JARID2: variants seen among roughly 807,000 people sequenced by gnomAD.
JARID2 encodes jumonji and AT-rich interaction domain containing 2.
Under a neutral mutation model 125.6 loss-of-function variants are expected in JARID2, and 21 were observed. That is an observed-to-expected ratio of 0.17 (90% CI 0.12 to 0.24). JARID2 has a LOEUF of 0.24. JARID2 is among the 10% of genes least tolerant of loss of function. The pLI, the probability that JARID2 is intolerant of heterozygous loss-of-function variation, is 1.00. For missense variants in JARID2, 1,303 were observed against 1,639.6 expected, an observed-to-expected ratio of 0.79 and a Z score of 3.55; for synonymous variants, 736 against 661.6, an observed-to-expected ratio of 1.11 and a Z score of -1.73.
intron 1 of JARID2, among the ~76,000 whole-genome samples, chr6:15,311,706 C>G (rs1002903582): frequency 2.6e-5 from 4 of 151,802 alleles, no homozygotes; most frequent in African/African-American, 9.7e-5. Context: ...ACAGATGGCA[C>G]TCTGATTCGG....
At position 15,283,498 on chromosome 6, in the gene JARID2, C is replaced by T. The variant is rs545890161; in HGVS notation, c.45+36914C>T. ...TGGGACTACAGGCATGCACCAGCTA[C>T]GCCCGGCTAATTTTCTTGTATTTTT... On this transcript the variant is annotated intron_variant, in intron 1 of 17. Transcript: ENST00000341776. Among the ~76,000 whole-genome samples, 16 of 141,826 alleles carry T rather than the reference C, an allele frequency of 1.1e-4. No homozygotes were observed. In the South Asian group the frequency reaches 3.2e-3, roughly 28 times the overall value. The allele number at this position is 141,826 out of a possible 152,430, so 93.0% of individuals were successfully genotyped here.
At chr6:15,364,733 A>G (rs1220841306) in intron 1 of JARID2, among the ~76,000 whole-genome samples, 3 of 152,218 alleles carry the variant, frequency 2.0e-5, no homozygotes, top group Admixed American at 6.5e-5. Flanking sequence ...GTAACACGCA[A>G]TGTCAATTGA....
chr6:15,250,841 T>C (rs921436895), intron 1 of JARID2, among the ~76,000 whole-genome samples: 2 of 152,052 alleles, frequency 1.3e-5, no homozygotes, highest in Non-Finnish European at 2.9e-5. Context: ...TATACCGTAC[T>C]CCAAATGTTA....
intron 1 of JARID2, among the ~76,000 whole-genome samples, chr6:15,321,783 GTTTTTTTTTTT>G (rs71687714): frequency 1.3e-4 from 9 of 68,476 alleles, no homozygotes; most frequent in Non-Finnish European, 1.8e-4. Context: ...AAGAATTCTT[GTTTTTTTTTTT>G]TTTTTTTTTT....
intron 2 of JARID2, among the ~76,000 whole-genome samples, chr6:15,393,916 AC>A (rs1033149398): frequency 1.3e-5 from 2 of 152,224 alleles, no homozygotes; most frequent in African/African-American, 2.4e-5. Context: ...AAACAAAAAA[AC>A]AAAAACTGTA....
intron 1 of JARID2, among the ~76,000 whole-genome samples, chr6:15,287,533 T>A (rs1242892046): frequency 6.6e-6 from 1 of 152,228 alleles, no homozygotes; most frequent in Non-Finnish European, 1.5e-5. Context: ...CAGAATTACA[T>A]TTTTGGTGTG....
At chr6:15,420,206 C>T (rs1307579373) in intron 3 of JARID2, among the ~76,000 whole-genome samples, 1 of 152,200 alleles carries the variant, frequency 6.6e-6, no homozygotes. Context: ...AGTTCAAGAC[C>T]TTCCTGGCCA....
At chr6:15,376,754 A>G (rs969376279) in intron 2 of JARID2, among the ~76,000 whole-genome samples, 14 of 152,288 alleles carry the variant, frequency 9.2e-5, no homozygotes, top group African/African-American at 3.1e-4. Flanking sequence ...GGCAGCTACC[A>G]TCTTAAACAA....
intron 1 of JARID2, among the ~76,000 whole-genome samples, chr6:15,262,736 C>G (rs1461987639): frequency 6.6e-6 from 1 of 151,956 alleles, no homozygotes; most frequent in South Asian, 2.1e-4. Context: ...CGGGGTTTCA[C>G]CACGATGGCC....
intron 1 of JARID2, among the ~76,000 whole-genome samples, chr6:15,372,272 C>A (rs1014350798): frequency 2.0e-5 from 3 of 152,142 alleles, no homozygotes; most frequent in Non-Finnish European, 4.4e-5. Flanking sequence ...CCAGACTGCC[C>A]ATGAGATTTT....
At chr6:15,490,917 T>TA (rs1384872495) in intron 6 of JARID2, among the ~76,000 whole-genome samples, 1 of 152,228 alleles carries the variant, frequency 6.6e-6, no homozygotes, top group African/African-American at 2.4e-5. Flanking sequence ...TCTCATTTCT[T>TA]ACGCTGAGGC....
intron 1 of JARID2, among the ~76,000 whole-genome samples, chr6:15,263,919 G>T (rs537526205): frequency 1.4e-3 from 220 of 152,202 alleles, no homozygotes; most frequent in Non-Finnish European, 2.2e-3. Flanking sequence ...TAGATACAGG[G>T]TGTCGCTGTG....
intron 4 of JARID2, among the ~76,000 whole-genome samples, chr6:15,466,146 T>C (rs1768723120): frequency 6.6e-6 from 1 of 152,232 alleles, no homozygotes; most frequent in Non-Finnish European, 1.5e-5. Context: ...GCCTCATTTG[T>C]GGAGTTTATT....
rs374322009 is a variant in JARID2 at position 15,328,276 on chromosome 6, A to C, written c.46-45841A>C. Among the ~76,000 whole-genome samples, 7 of 152,206 alleles carry C rather than the reference A, an allele frequency of 4.6e-5. No individual in the cohort carries two copies. The East Asian group carries it at 5.8e-4, about 13-fold the overall frequency. ...ATAGAGCTTGTGAACAGGATCTCCA[A>C]ATTCTCCAAAACATAGTAAAGCTGC... On this transcript the variant is annotated intron_variant, in intron 1 of 17. Transcript: ENST00000341776.
chr6:15,500,308 G>A, intron 7 of JARID2, among the ~76,000 whole-genome samples: 1 of 152,216 alleles, frequency 6.6e-6, no homozygotes, highest in East Asian at 1.9e-4. Flanking sequence ...TCACGCAGGT[G>A]TTGCTCTTTG....
chr6:15,356,841 C>A (rs1763615682), intron 1 of JARID2, among the ~76,000 whole-genome samples: 1 of 151,888 alleles, frequency 6.6e-6, no homozygotes, highest in Non-Finnish European at 1.5e-5. Context: ...ATGGTGAAAC[C>A]CCATCTCTAT....
chr6:15,395,910 G>T (rs760084078), intron 2 of JARID2, among the ~76,000 whole-genome samples: 2 of 151,882 alleles, frequency 1.3e-5, no homozygotes, highest in Non-Finnish European at 1.5e-5. Context: ...TGACCTGCCC[G>T]CCTTGGCCTC....
At chr6:15,463,426 T>C (rs1160073578) in intron 4 of JARID2, among the ~76,000 whole-genome samples, 4 of 2,428 alleles carry the variant, frequency 1.6e-3, no homozygotes, top group Non-Finnish European at 2.7e-3. Context: ...AGCCCTTTCC[T>C]TTTTTTTTTT....
chr6:15,367,830 A>G lies in JARID2; in HGVS notation c.46-6287A>G, dbSNP rs374510697. On this transcript the variant is annotated intron_variant, in intron 1 of 17. Transcript: ENST00000341776. ...CCAGGAGAGGTTTGCTGTTAGTACA[A>G]TCATGATGGAGTTTTCAAGTCTTTC... Among the ~76,000 whole-genome samples the G allele has an allele frequency of 1.3e-3, 204 of 152,272 alleles. 4 individuals are homozygous for G. In the South Asian group the frequency reaches 0.039, roughly 29 times the overall value.
Sources: allele counts gnomAD v4.1 joint callset (sites outside exome capture counted in the v4.1 genomes callset), GRCh38; gene constraint gnomAD v4.1.1; transcripts MANE v1.5; gene names NCBI Gene and HGNC (gene_info 2026-07-23, HGNC 2026-07-21).